The following TRPM1 variants were observed in gnomAD, a reference collection of about 807,000 sequenced individuals.
TRPM1 encodes the protein transient receptor potential cation channel subfamily M member 1.
Under a neutral mutation model 149.4 loss-of-function variants are expected in TRPM1, and 113 were observed. The ratio of observed to expected loss-of-function variants is 0.76; its 90% CI spans 0.65 to 0.88. The LOEUF is 0.88. Ranked by LOEUF, TRPM1 falls within the 40% of genes least tolerant of loss-of-function variation. TRPM1 has a pLI of 0.00. For missense variants in TRPM1, 1,976 were observed against 2,038.7 expected (o/e 0.97, Z 0.59); for synonymous variants, 741 against 759.5 (o/e 0.98, Z 0.40).
intron 27 of TRPM1, among the ~76,000 whole-genome samples, chr15:31,010,132 C>A (rs1448148462): frequency 2.0e-5 from 3 of 152,230 alleles, no homozygotes; most frequent in Non-Finnish European, 2.9e-5. Flanking sequence ...TATTATACCA[C>A]ATGACTCTGA....
intron 1 of TRPM1, among the ~76,000 whole-genome samples, chr15:31,084,066 G>A (rs1423999945): frequency 2.0e-5 from 3 of 152,082 alleles, no homozygotes; most frequent in Admixed American, 6.6e-5. Context: ...CCTTTCCTCC[G>A]GGTTTCTAGC....
chr15:31,004,540 T>C (rs1490832602), intron 27 of TRPM1, among the ~76,000 whole-genome samples: 1 of 152,130 alleles, frequency 6.6e-6, no homozygotes, highest in Non-Finnish European at 1.5e-5. Context: ...TCTTAACTCT[T>C]TTCTTGGGGT....
Position 31,140,898 on chromosome 15 carries a change from T to A in TRPM1, c.54+20008A>T, listed in dbSNP as rs566218253. Among the ~76,000 whole-genome samples the A allele has an allele frequency of 7.9e-5, 12 of 152,312 alleles. No homozygotes were observed. In the South Asian group the frequency reaches 2.3e-3, roughly 29 times the overall value. On this transcript the variant is annotated intron_variant, in intron 1 of 26. Transcript: ENST00000542188. Reference sequence around the variant, plus strand: ...GTGTGGTGGTGCCATCTCAGCTCACTGCAACCTCCAACTCCTGGGTTCAAG... The same window carrying A: ...GTGTGGTGGTGCCATCTCAGCTCACAGCAACCTCCAACTCCTGGGTTCAAG...
intron 1 of TRPM1, among the ~76,000 whole-genome samples, chr15:31,083,029 G>C (rs1259241777): frequency 6.6e-6 from 1 of 152,168 alleles, no homozygotes; most frequent in African/African-American, 2.4e-5. Flanking sequence ...CCTTGAGAAG[G>C]CTGGACGGAG....
In TRPM1 at chr15:31,068,057, T is replaced by C. The variant is rs768489062; in HGVS notation, c.315A>G (p.Ser105=). ...IRVSYDTKPD[S]LLHLMVKDWQ... ...AATCTTTCACCATGAGATGGAGCAG[T>C]GAGTCTGGCTTGGTGTCATAGGATA... Residue 105 remains serine (S), a synonymous_variant, in exon 5 of 28, where the codon TCA becomes TCG. Transcript: ENST00000256552. 6.2e-7 allele frequency: 1 copy of C among 1,614,176 alleles called. No homozygotes were observed.
intron 1 of TRPM1, among the ~76,000 whole-genome samples, chr15:31,157,202 C>G (rs2036389224): frequency 6.6e-6 from 1 of 152,194 alleles, no homozygotes; most frequent in South Asian, 2.1e-4. Context: ...TGTGAGCCAC[C>G]ACGCCTGGCT....
At chr15:31,097,258 A>G in intron 1 of TRPM1, among the ~76,000 whole-genome samples, 1 of 107,728 alleles carries the variant, frequency 9.3e-6, no homozygotes, top group Non-Finnish European at 1.8e-5. Context: ...ACGTCCACCA[A>G]AGGCATTGGC....
Position 31,002,463 on chromosome 15 carries a change from C to A in TRPM1, c.4237G>T (p.Asp1413Tyr). The change falls in exon 28 of 28, where the codon GAC becomes TAC. Residue 1413 changes from aspartate (D) to tyrosine (Y), a missense_variant. Asp to Tyr is a radical substitution (Grantham distance 160). Coordinates refer to ENST00000256552, the MANE Select transcript of TRPM1 (RefSeq NM_001252024.2). ...LNKTDVIHGQ[D>Y]KSDVQNTQLT... is the part of the protein sequence containing the mutation. ...TGAGTGTTTTGAACATCTGATTTGT[C>A]CTGTCCATGTATCACATCTGTTTTA... 2 of 1,614,188 alleles carry A rather than the reference C, an allele frequency of 1.2e-6. No homozygotes were observed. Among genetic ancestry groups the A allele is most frequent in the Non-Finnish European group, 1.7e-6 (2 of 1,180,032 alleles).
chr15:31,022,778 C>T (rs750956333), intron 27 of TRPM1, among the ~76,000 whole-genome samples: 7 of 151,872 alleles, frequency 4.6e-5, no homozygotes, highest in East Asian at 2.0e-4. Flanking sequence ...AAAAAAATCT[C>T]GAGGCTGAGG....
At chr15:31,061,546 A>G (rs777905813) in intron 9 of TRPM1, 32 bp from the exon 10 acceptor site, 114 of 1,600,980 alleles carry the variant, frequency 7.1e-5, no homozygotes, top group Non-Finnish European at 9.4e-5. Context: ...ATTAAAGCCA[A>G]GTTGAAAACA....
At chr15:31,062,800 G>A (rs2034269016) in intron 8 of TRPM1, 98 bp from the exon 9 acceptor site, 25 of 1,383,330 alleles carry the variant, frequency 1.8e-5, no homozygotes, top group Non-Finnish European at 2.5e-5. Context: ...ACTTTGCTGT[G>A]GGAGGATATC....
At chr15:31,113,341 G>A (rs1196988327) in intron 1 of TRPM1, among the ~76,000 whole-genome samples, 2 of 152,068 alleles carry the variant, frequency 1.3e-5, no homozygotes, top group Non-Finnish European at 2.9e-5. Flanking sequence ...GAAAGACTTG[G>A]AAAGAGCCAG....
At chr15:31,083,532 G>C (rs915040546) in intron 1 of TRPM1, among the ~76,000 whole-genome samples, 5 of 152,148 alleles carry the variant, frequency 3.3e-5, no homozygotes, top group African/African-American at 1.2e-4. Context: ...CCCCACCTGG[G>C]GTGGCACCTG....
chr15:31,035,999 G>A, intron 20 of TRPM1: 1 of 395,122 alleles, frequency 2.5e-6, no homozygotes, highest in Non-Finnish European at 4.8e-6. Flanking sequence ...ATAGTTTGCT[G>A]GAGTGTCTTC....
At chr15:31,053,295 G>C (rs28792740) in intron 11 of TRPM1, among the ~76,000 whole-genome samples, 6 of 151,984 alleles carry the variant, frequency 3.9e-5, no homozygotes, top group Admixed American at 3.9e-4. Flanking sequence ...TTGTTGCCCA[G>C]GCTGGAGTGC....
At chr15:31,151,823 G>C (rs2036308040) in intron 1 of TRPM1, among the ~76,000 whole-genome samples, 1 of 152,208 alleles carries the variant, frequency 6.6e-6, no homozygotes, top group African/African-American at 2.4e-5. Flanking sequence ...AATGACCCTG[G>C]TCCTGGCCCA....
At chr15:31,068,522 A>T (rs1308856402) in intron 4 of TRPM1, among the ~76,000 whole-genome samples, 1 of 151,992 alleles carries the variant, frequency 6.6e-6, no homozygotes, top group African/African-American at 2.4e-5. Flanking sequence ...CAGGTGGATC[A>T]CTTGAGGTCA....
chr15:31,157,942 G>A (rs2036398437), intron 1 of TRPM1, among the ~76,000 whole-genome samples: 1 of 152,078 alleles, frequency 6.6e-6, no homozygotes, highest in Non-Finnish European at 1.5e-5. Context: ...TGCTGCTTTC[G>A]ATTAGGAAAC....
chr15:31,080,457 G>A (rs954983913), intron 2 of TRPM1, among the ~76,000 whole-genome samples: 2 of 152,086 alleles, frequency 1.3e-5, no homozygotes, highest in Non-Finnish European at 2.9e-5. Context: ...AACCTGATCT[G>A]GAGGAAGGAT....
Sources: gnomAD v4.1 joint callset for allele counts (sites outside exome capture counted in the v4.1 genomes callset) on GRCh38, gnomAD v4.1.1 for gene constraint, MANE v1.5 for transcripts, NCBI Gene and HGNC (gene_info 2026-07-23, HGNC 2026-07-21) for gene names.